The following ARFGEF1 variants were observed in gnomAD, a reference collection of about 807,000 sequenced individuals.
ARFGEF1 encodes the protein brefeldin A-inhibited guanine nucleotide-exchange protein 1.
Under a neutral mutation model 231.0 loss-of-function variants are expected in ARFGEF1, and 42 were observed. The observed-to-expected ratio is 0.18, with a 90% CI of 0.14 to 0.24. The LOEUF is 0.24. Ranked by LOEUF, ARFGEF1 falls within the 10% of genes least tolerant of loss-of-function variation. The pLI is 1.00. For synonymous variants in ARFGEF1, 710 were observed against 732.3 expected (o/e 0.97, Z 0.49); for missense variants, 1,345 against 2,192.0 (o/e 0.61, Z 7.72).
chr8:67,198,575 T>C lies in ARFGEF1; in HGVS notation c.*359A>G. 2.0e-6 allele frequency: 2 copies of C among 1,019,396 alleles called. No individual in the cohort carries two copies. The highest frequency in any genetic ancestry group is 2.3e-6 in the Non-Finnish European group (2 of 852,630). The allele number at this position is 1,019,396 out of a possible 1,614,324, so 63.1% of individuals were successfully genotyped here. On this transcript the variant is annotated 3_prime_UTR_variant, in exon 39 of 39. Transcript: ENST00000262215. ...TCCTTCAAAATACAGCTCTCCTGAG[T>C]TGTACTTCTTGTAGAAGTTCAATCT...
At chr8:67,276,764 C>T (rs1357179600) in intron 8 of ARFGEF1, among the ~76,000 whole-genome samples, 1 of 152,120 alleles carries the variant, frequency 6.6e-6, no homozygotes, top group Non-Finnish European at 1.5e-5. Context: ...TGCTTGGGAC[C>T]AGAAGTGTTT....
intron 36 of ARFGEF1, among the ~76,000 whole-genome samples, chr8:67,202,460 T>C (rs1432284366): frequency 6.6e-6 from 1 of 152,106 alleles, no homozygotes; most frequent in Non-Finnish European, 1.5e-5. Context: ...GGTCTTGCTA[T>C]GTTGGCCAGG....
intron 18 of ARFGEF1, among the ~76,000 whole-genome samples, chr8:67,252,229 G>T (rs149744068): frequency 2.2e-5 from 3 of 135,954 alleles, no homozygotes; most frequent in Non-Finnish European, 4.5e-5. Flanking sequence ...CCAAGGTGGC[G>T]CCAAGCCAAG....
In ARFGEF1 at chr8:67,292,611, T is replaced by C. The variant is rs186976470; in HGVS notation, c.640-488A>G. 7.7e-4 allele frequency among the ~76,000 whole-genome samples: 117 copies of C among 152,124 alleles called. 1 individual carries two copies. Among genetic ancestry groups the C allele is most frequent in the Non-Finnish European group, 1.6e-3 (106 of 67,994 alleles). ...AAAATTAAAATTACATTTAATAGAATTACAATGAAGGCTTAAATCACTCTG... is the reference window on the plus strand; with the variant it reads ...AAAATTAAAATTACATTTAATAGAACTACAATGAAGGCTTAAATCACTCTG... On this transcript the variant is annotated intron_variant, in intron 5 of 38. Transcript: ENST00000262215.
chr8:67,194,911 A>G (rs751050401), downstream of ARFGEF1, among the ~76,000 whole-genome samples: 7 of 152,158 alleles, frequency 4.6e-5, no homozygotes, highest in Non-Finnish European at 4.4e-5. Flanking sequence ...TGTTTTCCCA[A>G]AATAACTTAA....
At chr8:67,248,460 C>G (rs1840172819) in intron 19 of ARFGEF1, among the ~76,000 whole-genome samples, 1 of 138,920 alleles carries the variant, frequency 7.2e-6, no homozygotes, top group Admixed American at 6.9e-5. Flanking sequence ...AACTAGACTC[C>G]TTTATCTTGC....
chr8:67,204,960 C>A, intron 34 of ARFGEF1, 141 bp from the exon 35 acceptor site: 1 of 969,926 alleles, frequency 1.0e-6, no homozygotes, highest in South Asian at 1.7e-5. Flanking sequence ...CTTTTGCACA[C>A]AGGCACTACT....
At chr8:67,188,125 C>T (rs1380334156) in intron 5 of ARFGEF1, among the ~76,000 whole-genome samples, 1 of 152,102 alleles carries the variant, frequency 6.6e-6, no homozygotes, top group African/African-American at 2.4e-5. Context: ...AAATTATTTG[C>T]AAAAGACATG....
chr8:67,293,526 G>C (rs1306989190), intron 5 of ARFGEF1, among the ~76,000 whole-genome samples: 1 of 152,114 alleles, frequency 6.6e-6, no homozygotes, highest in African/African-American at 2.4e-5. Context: ...ACAGAGGAGA[G>C]TGACTTAATA....
At chr8:67,195,595 A>G, downstream of ARFGEF1, 2 of 1,612,892 alleles carry the variant, frequency 1.2e-6, no homozygotes, top group East Asian at 2.2e-5. Context: ...CATGGTTAAA[A>G]TAAACCTGTA....
At chr8:67,309,852 A>G (rs1243008323) in intron 1 of ARFGEF1, among the ~76,000 whole-genome samples, 4 of 152,144 alleles carry the variant, frequency 2.6e-5, no homozygotes, top group South Asian at 2.1e-4. Context: ...ACCTACATAT[A>G]TGTTATGAAA....
intron 9 of ARFGEF1, among the ~76,000 whole-genome samples, chr8:67,274,323 CAAA>C (rs57986405): frequency 1.6e-5 from 2 of 123,782 alleles, no homozygotes; most frequent in African/African-American, 2.9e-5. Context: ...TGACTTTTGG[CAAA>C]AAAAAAAAAA....
At chr8:67,309,747 T>C (rs188868848) in intron 1 of ARFGEF1, among the ~76,000 whole-genome samples, 3 of 152,364 alleles carry the variant, frequency 2.0e-5, no homozygotes, top group Admixed American at 2.0e-4. Context: ...TTAACTAGCC[T>C]CTTTTGTCAA....
At chr8:67,175,880 A>G (rs1374232259) in intron 5 of ARFGEF1, among the ~76,000 whole-genome samples, 1 of 152,216 alleles carries the variant, frequency 6.6e-6, no homozygotes, top group Non-Finnish European at 1.5e-5. Flanking sequence ...AGACTGGACT[A>G]TGAATATGTT....
intron 33 of ARFGEF1, among the ~76,000 whole-genome samples, chr8:67,214,537 G>T (rs767608995): frequency 8.5e-5 from 13 of 152,178 alleles, no homozygotes; most frequent in Non-Finnish European, 1.6e-4. Flanking sequence ...ATTAGGAAAT[G>T]AATTGTTAGG....
intron 9 of ARFGEF1, among the ~76,000 whole-genome samples, chr8:67,275,764 A>G (rs142973718): frequency 2.7e-4 from 41 of 152,146 alleles, no homozygotes; most frequent in Non-Finnish European, 5.0e-4. Flanking sequence ...TAAGTCACAT[A>G]CCCTTTAGGA....
At chr8:67,203,285 C>G in intron 35 of ARFGEF1, 34 bp from the exon 36 acceptor site, 3 of 1,600,170 alleles carry the variant, frequency 1.9e-6, no homozygotes, top group South Asian at 2.3e-5. Flanking sequence ...CATATACACA[C>G]AGTCACAATA....
At chr8:67,190,511 C>T (rs950352588) in intron 5 of ARFGEF1, 27 of 631,840 alleles carry the variant, frequency 4.3e-5, no homozygotes, top group African/African-American at 3.8e-4. Flanking sequence ...AAAAAATCAC[C>T]GAACTGTGTA....
chr8:67,227,275 T>C lies in ARFGEF1; in HGVS notation c.3778A>G (p.Ile1260Val). The C allele has an allele frequency of 6.2e-7, 1 of 1,613,092 alleles. No individual in the cohort carries two copies. Among genetic ancestry groups the C allele is most frequent in the Non-Finnish European group, 8.5e-7 (1 of 1,179,282 alleles). ...GCTTGAGAATTAACCATCTGTGCTA[T>C]ACACCGTACAACCATATCTCGAATT... ...PTIRDMVVRCIAQMVNSQAAN... is the reference protein window; with the variant it reads ...PTIRDMVVRCVAQMVNSQAAN... Residue 1260 changes from isoleucine (I) to valine (V), a missense_variant, in exon 27 of 39, where the codon ATA (isoleucine) becomes GTA (valine). By Grantham distance (29) the Ile-to-Val change is conservative. Around this residue, in one of 14 missense-constraint regions of ARFGEF1, gnomAD observed 142 missense variants for 227.3 expected, o/e 0.62. Transcript: ENST00000262215.
Sources: allele counts gnomAD v4.1 joint callset (sites outside exome capture counted in the v4.1 genomes callset), GRCh38; gene constraint gnomAD v4.1.1; regional missense constraint gnomAD v4.1.1; transcripts MANE v1.5; gene names NCBI Gene and HGNC (gene_info 2026-07-23, HGNC 2026-07-21).